The following SAMD3 variants were observed in gnomAD, a reference collection of about 807,000 sequenced individuals.
SAMD3 encodes the protein sterile alpha motif domain-containing protein 3.
Under a neutral mutation model 58.5 loss-of-function variants are expected in SAMD3, and 63 were observed. The observed-to-expected ratio is 1.08, with a 90% CI of 0.88 to 1.33. The LOEUF is 1.33. SAMD3 is among the 40% of genes most tolerant of loss of function. The pLI is 0.00. For synonymous variants in SAMD3, 220 were observed against 210.3 expected, an observed-to-expected ratio of 1.05 and a Z score of -0.40; for missense variants, 604 against 608.4, an observed-to-expected ratio of 0.99 and a Z score of 0.08.
chr6:130,209,642 A>G lies in SAMD3; in HGVS notation c.270-34T>C, dbSNP rs184606404. 69 of 1,348,370 alleles carry G rather than the reference A, an allele frequency of 5.1e-5. No individual in the cohort carries two copies. The East Asian group carries it at 1.4e-3, about 28-fold the overall frequency. 83.5% of individuals were successfully genotyped at this position (1,348,370 alleles called of 1,614,324 possible). A position where few individuals can be genotyped will look rare whatever the true frequency, so the allele number is the denominator to read the frequency against. On this transcript the variant is annotated intron_variant, in intron 4 of 11. Coordinates refer to ENST00000439090, the MANE Select transcript of SAMD3 (RefSeq NM_001017373.4). Reference sequence around the variant, plus strand: ...GAAGAGGTGGGTCAGGCACTATTCAAGAGGTGATATGACCATTGATCTCAC... The same window carrying G: ...GAAGAGGTGGGTCAGGCACTATTCAGGAGGTGATATGACCATTGATCTCAC...
intron 2 of SAMD3, among the ~76,000 whole-genome samples, chr6:130,231,543 G>A (rs948688999): frequency 3.3e-5 from 5 of 152,060 alleles, no homozygotes; most frequent in Admixed American, 6.5e-5. Context: ...CAGTCTGGGC[G>A]ACAAGAGTGA....
At chr6:130,309,140 A>G (rs77092771) in intron 2 of SAMD3, among the ~76,000 whole-genome samples, 18,345 of 152,170 alleles carry the variant, frequency 0.12, 1,501 homozygotes, top group East Asian at 0.36. Context: ...TATTTCAAGC[A>G]CTGTAGTCAT....
intron 2 of SAMD3, among the ~76,000 whole-genome samples, chr6:130,257,298 T>C (rs1289010588): frequency 6.6e-6 from 1 of 152,150 alleles, no homozygotes; most frequent in Non-Finnish European, 1.5e-5. Flanking sequence ...AAAATAAAAT[T>C]CTGTTTTTAA....
At chr6:130,261,088 G>A (rs2114922408) in intron 2 of SAMD3, among the ~76,000 whole-genome samples, 1 of 142,914 alleles carries the variant, frequency 7.0e-6, no homozygotes, top group Non-Finnish European at 1.5e-5. Flanking sequence ...TGGCACTTTG[G>A]TTTTGGTTTT....
Position 130,161,954 on chromosome 6 carries a change from G to A in SAMD3, c.823-6929C>T, listed in dbSNP as rs535101796. On this transcript the variant is annotated intron_variant, in intron 8 of 11. Transcript: ENST00000439090. ...CAGCAGACAAAGTTAATGGAGGGCC[G>A]TGCTCAAGGAGGAATCAAAGAAAGT... 74 of 266,526 alleles carry A rather than the reference G, an allele frequency of 2.8e-4. No homozygotes were observed. The Middle Eastern group carries it at 4.2e-3, about 15-fold the overall frequency. 16.5% of individuals were successfully genotyped at this position (266,526 alleles called of 1,614,324 possible). A position where few individuals can be genotyped will look rare whatever the true frequency, so the allele number is the denominator to read the frequency against.
At chr6:130,188,873 T>A (rs1037970259) in intron 5 of SAMD3, among the ~76,000 whole-genome samples, 1 of 152,214 alleles carries the variant, frequency 6.6e-6, no homozygotes, top group African/African-American at 2.4e-5. Context: ...TGTGAGAATT[T>A]GCACATGGCT....
rs75467494 is a variant in SAMD3 at position 130,309,090 on chromosome 6, G to C, written c.-188+3888C>G. Among the ~76,000 whole-genome samples the C allele has an allele frequency of 4.2e-3, 634 of 152,282 alleles. 1 individual carries two copies. The highest frequency in any genetic ancestry group is 7.3e-3 in the Non-Finnish European group (497 of 68,022). On this transcript the variant is annotated intron_variant, in intron 2 of 13. Coordinates refer to the SAMD3 transcript ENST00000368134. ...TATTACATAAGTTTGACCCTAGTGA[G>C]AAGAGAGCCTTCTCCAAGTTCATTA...
In SAMD3 at chr6:130,190,168, T is replaced by G. The variant is rs539917166; in HGVS notation, c.384-5545A>C. Reference sequence around the variant, plus strand: ...ATAAAAGAACTCAACAGATTTTAACTGACACCAGGAGACTGAGTTTTCCAC... The same window carrying G: ...ATAAAAGAACTCAACAGATTTTAACGGACACCAGGAGACTGAGTTTTCCAC... On this transcript the variant is annotated intron_variant, in intron 5 of 11. Coordinates refer to ENST00000439090, the MANE Select transcript of SAMD3 (RefSeq NM_001017373.4). Among the ~76,000 whole-genome samples, 17 of 152,336 alleles carry G rather than the reference T, an allele frequency of 1.1e-4. 1 individual carries two copies. In the East Asian group the frequency reaches 2.5e-3, roughly 22 times the overall value.
At chr6:130,276,836 G>A (rs985124386) in intron 2 of SAMD3, among the ~76,000 whole-genome samples, 1 of 152,106 alleles carries the variant, frequency 6.6e-6, no homozygotes, top group African/African-American at 2.4e-5. Flanking sequence ...ATGGGTAGAA[G>A]GCTAGGGAAT....
chr6:130,352,075 AG>A (rs766952771), intron 1 of SAMD3, among the ~76,000 whole-genome samples: 2 of 67,544 alleles, frequency 3.0e-5, no homozygotes, highest in South Asian at 5.7e-4. Context: ...TGTTGGGGGG[AG>A]GGGGGAGGGA....
intron 2 of SAMD3, among the ~76,000 whole-genome samples, chr6:130,278,121 C>A (rs1638495839): frequency 6.6e-6 from 1 of 152,202 alleles, no homozygotes; most frequent in Non-Finnish European, 1.5e-5. Flanking sequence ...GCAGACCCTG[C>A]ACTTTATGGA....
chr6:130,304,963 C>G (rs1416265707), intron 2 of SAMD3, among the ~76,000 whole-genome samples: 2 of 112,812 alleles, frequency 1.8e-5, no homozygotes. Context: ...GAGACAGAGT[C>G]TCACTCTGCT....
intron 2 of SAMD3, among the ~76,000 whole-genome samples, chr6:130,235,732 A>T (rs1773126309): frequency 6.6e-6 from 1 of 152,058 alleles, no homozygotes; most frequent in African/African-American, 2.4e-5. Flanking sequence ...GAAACGAGTA[A>T]GTATAATATA....
chr6:130,316,368 A>G (rs1776372324), intron 1 of SAMD3, among the ~76,000 whole-genome samples: 1 of 151,910 alleles, frequency 6.6e-6, no homozygotes, highest in Non-Finnish European at 1.5e-5. Context: ...TGAGAAAAAG[A>G]AAAAAGAAGA....
intron 2 of SAMD3, among the ~76,000 whole-genome samples, chr6:130,232,236 C>G (rs1796568782): frequency 6.6e-6 from 1 of 152,114 alleles, no homozygotes. Context: ...GGAAATGGAA[C>G]AGTCTTACAA....
chr6:130,296,096 G>A (rs73609107), intron 2 of SAMD3, among the ~76,000 whole-genome samples: 1,896 of 152,280 alleles, frequency 0.012, 37 homozygotes, highest in African/African-American at 0.043. Flanking sequence ...GTGGCCCACG[G>A]GGTCCCATGG....
intron 2 of SAMD3, among the ~76,000 whole-genome samples, chr6:130,262,938 A>G (rs1181142982): frequency 6.6e-6 from 1 of 152,206 alleles, no homozygotes; most frequent in Non-Finnish European, 1.5e-5. Flanking sequence ...TCCTTAAAAC[A>G]CAAACCTGCT....
chr6:130,177,976 C>G (rs2114677035), intron 7 of SAMD3, among the ~76,000 whole-genome samples: 1 of 149,878 alleles, frequency 6.7e-6, no homozygotes, highest in Middle Eastern at 3.5e-3. Context: ...GGTGGCTCAA[C>G]CCTTCTTTTT....
intron 1 of SAMD3, among the ~76,000 whole-genome samples, chr6:130,219,362 G>T (rs1050774647): frequency 6.6e-6 from 1 of 151,498 alleles, no homozygotes; most frequent in African/African-American, 2.4e-5. Context: ...ATAGGTTATT[G>T]GGGAACAAGT....
Sources: allele counts gnomAD v4.1 joint callset (sites outside exome capture counted in the v4.1 genomes callset), GRCh38; gene constraint gnomAD v4.1.1; transcripts MANE v1.5; gene names NCBI Gene and HGNC (gene_info 2026-07-23, HGNC 2026-07-21).